The following ARHGAP35 variants were observed in gnomAD, a reference collection of about 807,000 sequenced individuals.
The protein encoded by ARHGAP35 is rho GTPase-activating protein 35.
A neutral mutation model predicts 111.1 loss-of-function variants in ARHGAP35; 15 were observed. That is an observed-to-expected ratio of 0.13 (90% CI 0.09 to 0.21). The LOEUF (loss-of-function observed/expected upper bound fraction) is 0.21. Among genes scored for constraint, ARHGAP35 ranks in the 10% least tolerant of loss-of-function variants. The pLI is 1.00. For synonymous variants in ARHGAP35, 643 were observed against 710.3 expected, an observed-to-expected ratio of 0.91 and a Z score of 1.51; for missense variants, 1,262 against 1,873.0, an observed-to-expected ratio of 0.67 and a Z score of 6.02.
chr19:46,924,144 A>C (rs1363320583), intron 2 of ARHGAP35, among the ~76,000 whole-genome samples: 2 of 152,192 alleles, frequency 1.3e-5, no homozygotes, highest in Non-Finnish European at 2.9e-5. Flanking sequence ...AAAGTACTGC[A>C]GGGACCTCTG....
At chr19:46,888,746 CACT>C (rs2056008715) in intron 1 of ARHGAP35, among the ~76,000 whole-genome samples, 2 of 150,862 alleles carry the variant, frequency 1.3e-5, no homozygotes, top group African/African-American at 4.9e-5. Context: ...GTAATCCCAG[CACT>C]TTGGGAGGCT....
chr19:46,893,120 G>T (rs1251158338), intron 1 of ARHGAP35, among the ~76,000 whole-genome samples: 1 of 152,134 alleles, frequency 6.6e-6, no homozygotes, highest in African/African-American at 2.4e-5. Flanking sequence ...AAGGGAGAAG[G>T]CTATAAATTA....
intron 1 of ARHGAP35, among the ~76,000 whole-genome samples, chr19:46,880,716 AC>A (rs1346444111): frequency 6.6e-6 from 1 of 151,782 alleles, no homozygotes. Flanking sequence ...TTGCTCTGTC[AC>A]CCAGGCTGGA....
intron 2 of ARHGAP35, among the ~76,000 whole-genome samples, chr19:46,927,613 G>A (rs1240778536): frequency 6.6e-6 from 1 of 152,156 alleles, no homozygotes; most frequent in Non-Finnish European, 1.5e-5. Flanking sequence ...ACCACGTGAA[G>A]GGTTTTGTGT....
Position 46,921,266 on chromosome 19 carries a change from A to C in ARHGAP35, c.2591A>C (p.Lys864Thr), listed in dbSNP as rs2122198450. The C allele has an allele frequency of 6.2e-7, 1 of 1,614,032 alleles. No individual in the cohort carries two copies. The highest frequency in any genetic ancestry group is 2.2e-5 in the East Asian group (1 of 44,894). ...ATTGTTTTTTATTCAGCCAAACGTA[A>C]GGCCTCTTTGGCTATGTTACGTGCC... ...GYIVFYSAKR[K>T]ASLAMLRAFL... The change falls in exon 2 of 7, where the codon AAG becomes ACG. Residue 864 changes from lysine to threonine, a missense_variant. By Grantham distance (78) the Lys-to-Thr change is moderately conservative (BLOSUM62 -1). Coordinates refer to ENST00000672722, the MANE Select transcript of ARHGAP35 (RefSeq NM_004491.5). This position sits in a 1 kb window ranked among gnomAD's most constrained non-coding sequence, Gnocchi z 4.3.
chr19:46,879,984 G>T (rs1455778380), intron 1 of ARHGAP35, among the ~76,000 whole-genome samples: 1 of 151,884 alleles, frequency 6.6e-6, no homozygotes, highest in South Asian at 2.1e-4. Flanking sequence ...AACTTGGGAG[G>T]TTGAGGCATG....
chr19:46,988,449 G>GCGA lies in ARHGAP35; in HGVS notation c.3904+384_3904+385insGAC. ...TGAGATGTGATCCTGTTTTGCCAGG[G>GCGA]CCTCAGATCTACCCTCCTCACAAAG... is the stretch of plus-strand genomic sequence containing the variant. On this transcript the variant is annotated intron_variant, in intron 4 of 6. Transcript: ENST00000672722. The surrounding 1 kb of genome is among the most constrained non-coding windows in gnomAD (Gnocchi z 5.4). 32 of 220,972 alleles carry GCGA rather than the reference G, an allele frequency of 1.4e-4. No individual in the cohort carries two copies. In the East Asian group the frequency reaches 2.3e-3, roughly 16 times the overall value. The allele number at this position is 220,972 out of a possible 1,614,324, so 13.7% of individuals were successfully genotyped here. A position where few individuals can be genotyped will look rare whatever the true frequency, so the allele number is the denominator to read the frequency against.
chr19:46,920,356 A>C lies in ARHGAP35; in HGVS notation c.1681A>C (p.Ser561Arg), dbSNP rs758662469. Residue 561 changes from serine (S) to arginine (R), a missense_variant, in exon 2 of 7, where the codon AGC becomes CGC. By Grantham distance (110) the Ser-to-Arg change is moderately radical. This residue lies in a region of ARHGAP35 where 328 missense variants were observed against 440.8 expected (regional missense o/e 0.74). Coordinates refer to ENST00000672722, the MANE Select transcript of ARHGAP35 (RefSeq NM_004491.5). This position sits in a 1 kb window ranked among gnomAD's most constrained non-coding sequence, Gnocchi z 7.0. ...CCACCCAACAAAGGAGACATGCCCCAGCTGCCCAGCTTGTGTGGACGCTAA... is the reference window on the plus strand; with the variant it reads ...CCACCCAACAAAGGAGACATGCCCCCGCTGCCCAGCTTGTGTGGACGCTAA... ...VYHPTKETCP[S>R]CPACVDAKIE... 3 of 1,613,886 alleles carry C rather than the reference A, an allele frequency of 1.9e-6. No homozygotes were observed. Among genetic ancestry groups the C allele is most frequent in the Non-Finnish European group, 2.5e-6 (3 of 1,179,896 alleles).
intron 1 of ARHGAP35, among the ~76,000 whole-genome samples, chr19:46,892,573 TGA>T (rs2056030851): frequency 6.6e-6 from 1 of 151,490 alleles, no homozygotes; most frequent in South Asian, 2.1e-4. Flanking sequence ...AAGATATTAC[TGA>T]GAGCAATTTT....
rs970105931 is a variant in ARHGAP35 at position 46,945,853 on chromosome 19, G to A, written c.3826+8445G>A. ...TCTGCTTTTGGCAGTGTGAGAGGAG[G>A]CATGGCAACAGTGAGGAAATGATTT... On this transcript the variant is annotated intron_variant, in intron 3 of 6. Coordinates refer to ENST00000672722, the MANE Select transcript of ARHGAP35 (RefSeq NM_004491.5). The surrounding 1 kb of genome is among the most constrained non-coding windows in gnomAD (Gnocchi z 4.1). 1.3e-5 allele frequency among the ~76,000 whole-genome samples: 2 copies of A among 152,154 alleles called. No individual in the cohort carries two copies. The highest frequency in any genetic ancestry group is 2.4e-5 in the African/African-American group (1 of 41,436).
intron 3 of ARHGAP35, among the ~76,000 whole-genome samples, chr19:46,979,977 G>A (rs1321281660): frequency 2.6e-5 from 4 of 152,168 alleles, no homozygotes; most frequent in East Asian, 3.9e-4. Context: ...GCGGGGACTC[G>A]TGTGATTTCA....
chr19:46,867,423 T>C (rs1238376027), intron 1 of ARHGAP35, among the ~76,000 whole-genome samples: 1 of 152,220 alleles, frequency 6.6e-6, no homozygotes, highest in Non-Finnish European at 1.5e-5. Context: ...AGAGGCGGCT[T>C]CCTATGATGT....
rs2056690815 is a variant in ARHGAP35, at chr19:46,993,574, C to T, written c.4036+3899C>T. Among the ~76,000 whole-genome samples, 1 of 152,196 alleles carries T rather than the reference C, an allele frequency of 6.6e-6. No homozygotes were observed. Among genetic ancestry groups the T allele is most frequent in the Non-Finnish European group, 1.5e-5 (1 of 68,034 alleles). On this transcript the variant is annotated intron_variant, in intron 5 of 6. Transcript: ENST00000672722. The surrounding 1 kb of genome is among the most constrained non-coding windows in gnomAD (Gnocchi z 4.6). ...GAAGCTAATCGGTAAGGTCCCTGTG[C>T]CCTCTGTCTGTCCCCTCCCCTCCCT...
At position 46,989,309 on chromosome 19, in the gene ARHGAP35, C is replaced by T. The variant is rs1372660029; in HGVS notation, c.3905-235C>T. The T allele has an allele frequency of 1.3e-5, 6 of 457,084 alleles. No homozygotes were observed. In the East Asian group the frequency reaches 2.4e-4, roughly 18 times the overall value. 28.3% of individuals were successfully genotyped at this position (457,084 alleles called of 1,614,324 possible). ...GCATGTGGGGGTAGCACCCCTGCCCCGAGAGTGGTAGAAGGGGCAGTTCAG... is the reference window on the plus strand; with the variant it reads ...GCATGTGGGGGTAGCACCCCTGCCCTGAGAGTGGTAGAAGGGGCAGTTCAG... On this transcript the variant is annotated intron_variant, in intron 4 of 6. Coordinates refer to ENST00000672722, the MANE Select transcript of ARHGAP35 (RefSeq NM_004491.5). This position sits in a 1 kb window ranked among gnomAD's most constrained non-coding sequence, Gnocchi z 5.3.
chr19:46,888,317 T>TATATATATAAAA (rs1568461153), intron 1 of ARHGAP35, among the ~76,000 whole-genome samples: 1 of 53,316 alleles, frequency 1.9e-5, no homozygotes, highest in Non-Finnish European at 3.5e-5. Flanking sequence ...TATATATATA[T>TATATATATAAAA]AAAATATTGA....
rs1336166501 is a variant in ARHGAP35 at position 46,922,628 on chromosome 19, A to G, written c.3681+272A>G. ...ATGAGGAGATAATGCAGAACTTGTC[A>G]GTGTCTTGACAAGTGGCCAAGCGCA... On this transcript the variant is annotated intron_variant, in intron 2 of 6. Transcript: ENST00000672722. This position sits in a 1 kb window ranked among gnomAD's most constrained non-coding sequence, Gnocchi z 4.0. Among the ~76,000 whole-genome samples, 2 of 152,212 alleles carry G rather than the reference A, an allele frequency of 1.3e-5. No individual in the cohort carries two copies. Among genetic ancestry groups the G allele is most frequent in the Non-Finnish European group, 2.9e-5 (2 of 68,040 alleles).
chr19:46,988,830 C>T lies in ARHGAP35; in HGVS notation c.3905-714C>T, dbSNP rs997211635. On this transcript the variant is annotated intron_variant, in intron 4 of 6. Coordinates refer to ENST00000672722, the MANE Select transcript of ARHGAP35 (RefSeq NM_004491.5). The surrounding 1 kb of genome is among the most constrained non-coding windows in gnomAD (Gnocchi z 5.4). ...CTGGCCGGCAGCAGGCAGAGGGGAC[C>T]GCAGGACAGGGAAACGCCTGCTAAT... The T allele has an allele frequency of 5.2e-5, 8 of 153,404 alleles. No individual in the cohort carries two copies. The highest frequency in any genetic ancestry group is 1.0e-4 in the Non-Finnish European group (7 of 68,988). The allele number at this position is 153,404 out of a possible 1,614,324, so 9.5% of individuals were successfully genotyped here. A position where few individuals can be genotyped will look rare whatever the true frequency, so the allele number is the denominator to read the frequency against.
chr19:46,868,839 A>G (rs958339858), intron 1 of ARHGAP35, among the ~76,000 whole-genome samples: 10 of 151,686 alleles, frequency 6.6e-5, no homozygotes, highest in African/African-American at 2.4e-4. Flanking sequence ...TAAAAGAAAC[A>G]TACAGATAGA....
chr19:46,868,211 TTTC>T (rs1176398899), intron 1 of ARHGAP35, among the ~76,000 whole-genome samples: 2 of 152,218 alleles, frequency 1.3e-5, no homozygotes, highest in African/African-American at 4.8e-5. Flanking sequence ...GCATTGTAAA[TTTC>T]TTGATCATGA....
Sources: gnomAD v4.1 joint callset for allele counts (sites outside exome capture counted in the v4.1 genomes callset) on GRCh38, gnomAD v4.1.1 for gene constraint, gnomAD v4.1.1 regional missense constraint, Gnocchi (gnomAD v3.1) non-coding constraint, MANE v1.5 for transcripts, NCBI Gene and HGNC (gene_info 2026-07-23, HGNC 2026-07-21) for gene names.